ZNF608: variants seen among roughly 807,000 people sequenced by gnomAD.
ZNF608 encodes renal carcinoma antigen NY-REN-36.
A neutral mutation model predicts 109.0 loss-of-function variants in ZNF608; 12 were observed. That is an observed-to-expected ratio of 0.11 (90% confidence interval 0.07 to 0.18). The LOEUF is 0.18. Ranked by LOEUF, ZNF608 falls within the 10% of genes least tolerant of loss-of-function variation. The probability of loss-of-function intolerance (pLI) is 1.00; values close to 1 mark genes in which losing one functional copy is unlikely to be tolerated. For missense variants in ZNF608, 1,707 were observed against 1,879.3 expected (o/e 0.91, Z 1.70); for synonymous variants, 732 against 717.4 (o/e 1.02, Z -0.33).
At chr5:124,688,363 T>G (rs540449635) in intron 3 of ZNF608, among the ~76,000 whole-genome samples, 1 of 152,262 alleles carries the variant, frequency 6.6e-6, no homozygotes, top group East Asian at 1.9e-4. Context: ...ACAATTTTGA[T>G]TTTTACTATA....
At chr5:124,651,781 G>A (rs1372540431) in intron 3 of ZNF608, among the ~76,000 whole-genome samples, 2 of 152,262 alleles carry the variant, frequency 1.3e-5, no homozygotes, top group African/African-American at 4.8e-5. Flanking sequence ...GCTGGGCCGA[G>A]GCGGCCGCCC....
chr5:124,677,279 C>G (rs1751983591), intron 3 of ZNF608, among the ~76,000 whole-genome samples: 1 of 152,030 alleles, frequency 6.6e-6, no homozygotes, highest in Non-Finnish European at 1.5e-5. Flanking sequence ...GAAAAATAAT[C>G]CCCCCCTTTG....
intron 3 of ZNF608, among the ~76,000 whole-genome samples, chr5:124,685,062 T>A (rs950564375): frequency 2.6e-5 from 4 of 151,958 alleles, no homozygotes; most frequent in Non-Finnish European, 5.9e-5. Flanking sequence ...GAAATATAAA[T>A]GCACTTTTTG....
At chr5:124,654,361 A>C (rs1211173833) in intron 3 of ZNF608, among the ~76,000 whole-genome samples, 1 of 152,112 alleles carries the variant, frequency 6.6e-6, no homozygotes, top group Non-Finnish European at 1.5e-5. Context: ...AAGTTTCTTC[A>C]ACCGTTCTTC....
chr5:124,697,065 G>C (rs1752876031), intron 3 of ZNF608, among the ~76,000 whole-genome samples: 1 of 151,988 alleles, frequency 6.6e-6, no homozygotes, highest in Non-Finnish European at 1.5e-5. Flanking sequence ...TCTTTGGCAA[G>C]TACCACTTTT....
chr5:124,748,241 G>A (rs1749709076), upstream of ZNF608, among the ~76,000 whole-genome samples: 1 of 152,248 alleles, frequency 6.6e-6, no homozygotes, highest in African/African-American at 2.4e-5. Flanking sequence ...CTAGAGAATT[G>A]ACACTGCAGA....
rs760195310 is a variant in ZNF608 at position 124,648,846 on chromosome 5, C to G, written c.1538G>C (p.Ser513Thr). The change falls in exon 5 of 10, where the codon AGC (serine) becomes ACC (threonine). Residue 513 changes from serine (S) to threonine (T), a missense_variant. Transcript: ENST00000513986. The stretch of plus-strand genomic sequence containing the variant: ...CTTTCCAGGCTTATTGTCCTCAGAG[C>G]TGGAGTTCAGGTCCAGCTCCATTGG... ...KPPMELDLNS[S>T]SEDNKPGKRV... The G allele has an allele frequency of 9.9e-6, 16 of 1,613,918 alleles. No individual in the cohort carries two copies. The highest frequency in any genetic ancestry group is 1.3e-5 in the African/African-American group (1 of 74,916).
Position 124,648,107 on chromosome 5 carries a change from C to T in ZNF608, c.2277G>A (p.Thr759=), listed in dbSNP as rs765231643. 10 of 1,514,870 alleles carry T rather than the reference C, an allele frequency of 6.6e-6. No homozygotes were observed. The highest frequency in any genetic ancestry group is 5.4e-5 in the East Asian group (2 of 37,184). 93.8% of individuals were successfully genotyped at this position (1,514,870 alleles called of 1,614,324 possible). A position where few individuals can be genotyped will look rare whatever the true frequency, so the allele number is the denominator to read the frequency against. ...GTCCGGGTATTGTCCCAGTGGTGGT[C>T]GTTGTAAAGGTTGCAGTGGGTATAG... The part of the protein sequence containing the change: ...LIAIPTATFT[T]TTTGTIPGLP... Residue 759 remains threonine (T), a synonymous_variant, in exon 5 of 10, where the codon ACG becomes ACA. Coordinates refer to ENST00000513986, the MANE Select transcript of ZNF608 (RefSeq NM_020747.3).
intron 2 of ZNF608, among the ~76,000 whole-genome samples, chr5:124,729,709 TTTTA>T (rs1452717295): frequency 6.6e-6 from 1 of 152,224 alleles, no homozygotes. Context: ...CTGTGGTTAC[TTTTA>T]TTTCTTTTTT....
intron 2 of ZNF608, among the ~76,000 whole-genome samples, chr5:124,729,612 T>C (rs1326107683): frequency 1.3e-5 from 2 of 152,246 alleles, no homozygotes; most frequent in Non-Finnish European, 2.9e-5. Context: ...CTGTAAATAC[T>C]GTACTTCTAT....
chr5:124,740,151 T>C (rs1749323514), intron 2 of ZNF608, among the ~76,000 whole-genome samples: 2 of 152,164 alleles, frequency 1.3e-5, no homozygotes, highest in South Asian at 2.1e-4. Flanking sequence ...ATATTCCTTC[T>C]CTCTCCAGCA....
At chr5:124,685,672 C>T (rs1332650185) in intron 3 of ZNF608, among the ~76,000 whole-genome samples, 1 of 151,556 alleles carries the variant, frequency 6.6e-6, no homozygotes, top group African/African-American at 2.4e-5. Context: ...GGGGATCTGA[C>T]TTAGCTGCCA....
At chr5:124,657,505 A>T (rs973093313) in intron 3 of ZNF608, among the ~76,000 whole-genome samples, 6 of 151,214 alleles carry the variant, frequency 4.0e-5, no homozygotes, top group Admixed American at 3.3e-4. Flanking sequence ...ACTAAAAAAT[A>T]AAAAAATAAA....
chr5:124,639,701 A>G (rs1212650121), intron 8 of ZNF608, among the ~76,000 whole-genome samples: 1 of 152,336 alleles, frequency 6.6e-6, no homozygotes, highest in East Asian at 1.9e-4. Flanking sequence ...AATGCTCTTA[A>G]CTTTCACCCT....
chr5:124,649,040 C>G lies in ZNF608; in HGVS notation c.1344G>C (p.Glu448Asp), dbSNP rs1449743060. The stretch of plus-strand genomic sequence containing the variant: ...GCCCTCTGGACTCTGTGAAGCTGGC[C>G]TCGGAGCCCGGGGCAGCAGCAGCAG... The part of the protein sequence containing the change: ...ARSAAAAPGS[E>D]ASFTESRGLQ... Residue 448 changes from glutamate to aspartate, a missense_variant, in exon 5 of 10, where the codon GAG becomes GAC. Transcript: ENST00000513986. 1.7e-5 allele frequency: 27 copies of G among 1,614,012 alleles called. 1 individual carries two copies. The Admixed American group carries it at 4.3e-4, about 26-fold the overall frequency.
chr5:124,727,497 A>G (rs1270510698), intron 2 of ZNF608, among the ~76,000 whole-genome samples: 2 of 152,112 alleles, frequency 1.3e-5, no homozygotes, highest in Non-Finnish European at 2.9e-5. Context: ...ATGAATGTAT[A>G]TGTAAAAAGA....
chr5:124,733,187 T>C (rs1748982929), intron 2 of ZNF608, among the ~76,000 whole-genome samples: 1 of 151,396 alleles, frequency 6.6e-6, no homozygotes, highest in East Asian at 1.9e-4. Flanking sequence ...TGCTCTCCAA[T>C]TAAACCATTC....
At chr5:124,715,469 C>T (rs1023943266) in intron 2 of ZNF608, among the ~76,000 whole-genome samples, 1 of 152,156 alleles carries the variant, frequency 6.6e-6, no homozygotes, top group Admixed American at 6.5e-5. Context: ...CTCCCTTAAC[C>T]ATTAAAATAA....
At chr5:124,640,711 C>T (rs1750200558) in intron 8 of ZNF608, among the ~76,000 whole-genome samples, 1 of 152,206 alleles carries the variant, frequency 6.6e-6, no homozygotes, top group South Asian at 2.1e-4. Context: ...CATATCAATC[C>T]TATGGCTTAA....
Sources: allele counts gnomAD v4.1 joint callset (sites outside exome capture counted in the v4.1 genomes callset), GRCh38; gene constraint gnomAD v4.1.1; transcripts MANE v1.5; gene names NCBI Gene and HGNC (gene_info 2026-07-23, HGNC 2026-07-21).